XAGE2: variants seen among roughly 807,000 people sequenced by gnomAD.
XAGE2 encodes the protein G antigen family D member 3.
A neutral mutation model predicts 9.9 loss-of-function variants in XAGE2; 7 were observed. The observed-to-expected ratio is 0.71, with a 90% CI of 0.40 to 1.32. XAGE2 has a LOEUF of 1.32. Among genes scored for constraint, XAGE2 ranks in the 40% most tolerant of loss-of-function variants. XAGE2 has a pLI of 0.01. For synonymous variants in XAGE2, 31 were observed against 26.8 expected, an observed-to-expected ratio of 1.16 and a Z score of -0.48; for missense variants, 85 against 81.0, an observed-to-expected ratio of 1.05 and a Z score of -0.19.
chrX:52,371,626 C>T (rs1921195519), intron 3 of XAGE2, among the ~76,000 whole-genome samples: 1 of 111,669 alleles, frequency 9.0e-6, no homozygotes, highest in East Asian at 2.8e-4. Flanking sequence ...TAGCAGTTCA[C>T]GGTTAAGAGG....
chrX:52,370,083 T>A lies in XAGE2; in HGVS notation c.69T>A (p.Ile23=). Residue 23 remains isoleucine, a synonymous_variant, in exon 2 of 5, where the codon ATT becomes ATA. Transcript: ENST00000286049. The part of the protein sequence containing the change: ...PRRSLQPPEL[I]GAMLEPTDEE... ...GAAGTTTACAGCCTCCTGAGCTGAT[T>A]GGGGCTATGCTTGTGAGTGCTTTAA... The A allele has an allele frequency of 8.3e-7, 1 of 1,211,685 alleles. No homozygotes were observed. The highest frequency in any genetic ancestry group is 1.1e-6 in the Non-Finnish European group (1 of 895,231).
intron 4 of XAGE2, among the ~76,000 whole-genome samples, chrX:52,373,214 C>T (rs1921235132): frequency 1.8e-5 from 2 of 111,967 alleles, no homozygotes; most frequent in Non-Finnish European, 3.8e-5. Context: ...TTTGTTTTTC[C>T]TAACAATCAG....
chrX:52,375,012 T>G (rs1346517754), intron 4 of XAGE2, among the ~76,000 whole-genome samples: 6 of 111,755 alleles, frequency 5.4e-5, no homozygotes, highest in Non-Finnish European at 1.1e-4. Context: ...TTTTTGCACT[T>G]TGGCACAATA....
intron 1 of XAGE2, among the ~76,000 whole-genome samples, chrX:52,369,771 A>G (rs1921145494): frequency 8.9e-6 from 1 of 112,768 alleles, no homozygotes; most frequent in African/African-American, 3.2e-5. Flanking sequence ...CTCATCAGAA[A>G]TATCCTGTAT....
intron 2 of XAGE2, 85 bp downstream of exon 2, chrX:52,370,180 A>G (rs1921156533): frequency 1.1e-6 from 1 of 923,553 alleles, no homozygotes; most frequent in East Asian, 3.1e-5. Flanking sequence ...ATACACTGAT[A>G]AAGGTCTTCC....
rs1284475492 is a variant in XAGE2, at chrX:52,375,619, T to A, written c.*28T>A. The A allele has an allele frequency of 1.7e-6, 2 of 1,170,023 alleles. No homozygotes were observed. The highest frequency in any genetic ancestry group is 2.3e-6 in the Non-Finnish European group (2 of 862,308). On this transcript the variant is annotated 3_prime_UTR_variant, in exon 5 of 5. Transcript: ENST00000286049. ...GAAGATAAGCTGAAACAACACAAAC[T>A]GTTTTTATATTAGATATTTTACTTT...
At chrX:52,372,202 A>G (rs1489450318) in intron 3 of XAGE2, among the ~76,000 whole-genome samples, 5 of 110,405 alleles carry the variant, frequency 4.5e-5, no homozygotes, top group Non-Finnish European at 9.5e-5. Flanking sequence ...CTGCCAAAAA[A>G]ATACAAAAAT....
Position 52,370,022 on chromosome X carries a change from G to A in XAGE2, c.8G>A (p.Trp3Ter). 2 of 1,211,850 alleles carry A rather than the reference G, an allele frequency of 1.7e-6. No homozygotes were observed. Among genetic ancestry groups the A allele is most frequent in the South Asian group, 1.8e-5 (1 of 57,023 alleles). MS[W>*]RGRSTYRPRP... is the part of the protein sequence containing the mutation. ...CTGTTTGCAGAGTGAAATATGAGTT[G>A]GCGAGGAAGATCAACATATAGGCCT... The change falls in exon 2 of 5, where the codon TGG (tryptophan) becomes TAG (stop). Residue 3 changes from tryptophan to a stop codon, truncating the protein, a stop_gained. Coordinates refer to ENST00000286049, the MANE Select transcript of XAGE2 (RefSeq NM_130777.3). LOFTEE classifies it high-confidence loss of function.
chrX:52,369,915 T>A, intron 1 of XAGE2, 92 bp from the exon 2 acceptor site: 4 of 992,075 alleles, frequency 4.0e-6, no homozygotes, highest in Non-Finnish European at 5.7e-6. Flanking sequence ...CAAACTTTTT[T>A]AAAAACTGAA....
At chrX:52,374,773 T>A (rs1921274086) in intron 4 of XAGE2, among the ~76,000 whole-genome samples, 1 of 111,909 alleles carries the variant, frequency 8.9e-6, no homozygotes, top group Non-Finnish European at 1.9e-5. Flanking sequence ...TCCGTTTCTT[T>A]TTTTTCGTGC....
chrX:52,370,075 G>A lies in XAGE2; in HGVS notation c.61G>A (p.Glu21Lys). 8.3e-7 allele frequency: 1 copy of A among 1,211,919 alleles called. No individual in the cohort carries two copies. Among genetic ancestry groups the A allele is most frequent in the Non-Finnish European group, 1.1e-6 (1 of 895,386 alleles). Residue 21 changes from glutamate to lysine, a missense_variant, in exon 2 of 5, where the codon GAG (glutamate) becomes AAG (lysine). By Grantham distance (56) the Glu-to-Lys change is moderately conservative. Coordinates refer to ENST00000286049, the MANE Select transcript of XAGE2 (RefSeq NM_130777.3). ...PRPRRSLQPP[E>K]LIGAMLEPTD... Reference sequence around the variant, plus strand: ...GCCAAGAAGAAGTTTACAGCCTCCTGAGCTGATTGGGGCTATGCTTGTGAG... The same window carrying A: ...GCCAAGAAGAAGTTTACAGCCTCCTAAGCTGATTGGGGCTATGCTTGTGAG...
intron 1 of XAGE2, 96 bp downstream of exon 1, chrX:52,369,310 G>A (rs894229425): frequency 0.024 from 2,708 of 111,944 alleles, 36 homozygotes; most frequent in Middle Eastern, 0.097. Context: ...TCATAAGGAA[G>A]GTGGGCCGCG....
Position 52,372,635 on chromosome X carries a change from A to T in XAGE2, c.279A>T (p.Leu93=). 3 of 1,211,600 alleles carry T rather than the reference A, an allele frequency of 2.5e-6. No homozygotes were observed. The highest frequency in any genetic ancestry group is 3.4e-6 in the Non-Finnish European group (3 of 895,259). The change falls in exon 4 of 5, where the codon CTA becomes CTT. Residue 93 remains leucine, a synonymous_variant. Transcript: ENST00000286049. ...GTACTGATGTCAAGGGGAAGATTCT[A>T]CCAAAAGCAGAGCACTTTAAAATGC... ...EGGTDVKGKI[L]PKAEHFKMPE... is the part of the protein sequence containing the mutation.
intron 3 of XAGE2, 97 bp from the exon 4 acceptor site, chrX:52,372,447 G>A: frequency 9.2e-7 from 1 of 1,085,158 alleles, no homozygotes; most frequent in South Asian, 1.9e-5. Flanking sequence ...TAGCCTACAG[G>A]CTTTTATGTC....
chrX:52,373,531 T>C (rs965852681), intron 4 of XAGE2, among the ~76,000 whole-genome samples: 8 of 111,296 alleles, frequency 7.2e-5, no homozygotes, highest in East Asian at 5.6e-4. Context: ...AAGCATGCTT[T>C]TTGCTCTCCT....
intron 1 of XAGE2, among the ~76,000 whole-genome samples, chrX:52,369,682 G>A (rs1444488837): frequency 1.8e-5 from 2 of 112,166 alleles, no homozygotes; most frequent in African/African-American, 6.5e-5. Flanking sequence ...GACGAAAGCC[G>A]TGGTCACTGC....
Position 52,371,846 on chromosome X carries a change from A to T in XAGE2, c.188-698A>T, listed in dbSNP as rs1921201185. 1.8e-5 allele frequency among the ~76,000 whole-genome samples: 2 copies of T among 111,991 alleles called. 1 individual carries two copies. The highest frequency in any genetic ancestry group is 1.9e-4 in the Admixed American group (2 of 10,528). Reference sequence around the variant, plus strand: ...ATAATTTTCAAATTACCTCAGCAAGATATGGTTGTCACAATTGTAAGTTTT... The same window carrying T: ...ATAATTTTCAAATTACCTCAGCAAGTTATGGTTGTCACAATTGTAAGTTTT... On this transcript the variant is annotated intron_variant, in intron 3 of 4. Transcript: ENST00000286049.
At chrX:52,372,516 C>G (rs1921214991) in intron 3 of XAGE2, 28 bp from the exon 4 acceptor site, 2 of 1,206,754 alleles carry the variant, frequency 1.7e-6, no homozygotes, top group Non-Finnish European at 2.2e-6. Flanking sequence ...TTTTTGTACT[C>G]AAGTTCAATA....
intron 4 of XAGE2, 140 bp downstream of exon 4, chrX:52,372,809 C>CCAAT: frequency 1.2e-6 from 1 of 837,827 alleles, no homozygotes; most frequent in East Asian, 3.4e-5. Context: ...ACTTCAGATC[C>CCAAT]CAATGCCTGA....
Sources: allele counts gnomAD v4.1 joint callset (sites outside exome capture counted in the v4.1 genomes callset), GRCh38; gene constraint gnomAD v4.1.1; transcripts MANE v1.5; gene names NCBI Gene and HGNC (gene_info 2026-07-23, HGNC 2026-07-21).